The following MBOAT2 variants were observed in gnomAD, a reference collection of about 807,000 sequenced individuals.
The protein encoded by MBOAT2 is membrane-bound glycerophospholipid O-acyltransferase 2.
A neutral mutation model predicts 63.4 loss-of-function variants in MBOAT2; 28 were observed. The ratio of observed to expected loss-of-function variants is 0.44; its 90% CI spans 0.33 to 0.61. The LOEUF is 0.61. MBOAT2 is among the 20% of genes least tolerant of loss of function. MBOAT2 has a pLI of 0.03. For missense variants in MBOAT2, 470 were observed against 605.8 expected (o/e 0.78, Z 2.35); for synonymous variants, 211 against 215.6 (o/e 0.98, Z 0.19).
chr2:8,963,680 G>A (rs923932000), intron 1 of MBOAT2, among the ~76,000 whole-genome samples: 3 of 152,190 alleles, frequency 2.0e-5, no homozygotes, highest in African/African-American at 7.2e-5. Flanking sequence ...TGATATGGAA[G>A]ATTACCAAGA....
At chr2:8,880,686 G>A (rs978331693) in intron 6 of MBOAT2, among the ~76,000 whole-genome samples, 6 of 152,232 alleles carry the variant, frequency 3.9e-5, no homozygotes, top group Non-Finnish European at 7.3e-5. Flanking sequence ...AGAGGATGCA[G>A]CAGAAGAGAC....
chr2:8,912,333 A>AAG (rs1325218438), intron 3 of MBOAT2, among the ~76,000 whole-genome samples: 3 of 110,468 alleles, frequency 2.7e-5, no homozygotes, highest in East Asian at 2.4e-4. Flanking sequence ...GAAAGAAAGA[A>AAG]AGAAAGAAAG....
At chr2:8,906,207 C>A (rs962007703) in intron 4 of MBOAT2, among the ~76,000 whole-genome samples, 1 of 152,234 alleles carries the variant, frequency 6.6e-6, no homozygotes, top group Non-Finnish European at 1.5e-5. Flanking sequence ...CCTTGGCCTC[C>A]CAAAGTGCTG....
intron 3 of MBOAT2, among the ~76,000 whole-genome samples, chr2:8,915,790 G>A (rs1051106629): frequency 3.3e-5 from 5 of 152,122 alleles, no homozygotes; most frequent in African/African-American, 1.2e-4. Flanking sequence ...AATCCAGACC[G>A]ACCTGGACTG....
At chr2:8,967,919 G>A in intron 1 of MBOAT2, among the ~76,000 whole-genome samples, 1 of 152,044 alleles carries the variant, frequency 6.6e-6, no homozygotes, top group South Asian at 2.1e-4. Flanking sequence ...AAAAGCAATA[G>A]TAGGCAGTTC....
At chr2:9,002,505 A>C (rs1672768452) in intron 1 of MBOAT2, among the ~76,000 whole-genome samples, 2 of 152,224 alleles carry the variant, frequency 1.3e-5, no homozygotes, top group South Asian at 2.1e-4. Flanking sequence ...TCCCGTGTGA[A>C]GTCCAAACAC....
chr2:8,925,959 AG>A (rs1305321066), intron 3 of MBOAT2, among the ~76,000 whole-genome samples: 1 of 152,220 alleles, frequency 6.6e-6, no homozygotes, highest in Non-Finnish European at 1.5e-5. Flanking sequence ...AATCTTACGA[AG>A]TAAGTGTTAT....
At chr2:8,969,856 C>A (rs1286636918) in intron 1 of MBOAT2, among the ~76,000 whole-genome samples, 2 of 152,078 alleles carry the variant, frequency 1.3e-5, no homozygotes, top group African/African-American at 4.8e-5. Flanking sequence ...ACAGGAGCAC[C>A]CAGATTCATA....
chr2:8,910,650 G>C (rs1188790294), intron 3 of MBOAT2, among the ~76,000 whole-genome samples: 1 of 152,090 alleles, frequency 6.6e-6, no homozygotes, highest in African/African-American at 2.4e-5. Flanking sequence ...AAGTTTTTAA[G>C]AACCCCAAGG....
Position 8,911,470 on chromosome 2 carries a change from T to C in MBOAT2, c.300-2754A>G, listed in dbSNP as rs529012437. 5.7e-4 allele frequency among the ~76,000 whole-genome samples: 87 copies of C among 152,316 alleles called. 1 individual carries two copies. Among genetic ancestry groups the C allele is most frequent in the Admixed American group, 1.6e-3 (24 of 15,302 alleles). On this transcript the variant is annotated intron_variant, in intron 3 of 12. Coordinates refer to ENST00000305997, the MANE Select transcript of MBOAT2 (RefSeq NM_138799.4). ...TACATCAAGAGCTGAAAGAAAATTC[T>C]TGCTATGGTTGGGATGTTCGTCTCC... is the stretch of plus-strand genomic sequence containing the variant.
intron 2 of MBOAT2, among the ~76,000 whole-genome samples, chr2:8,957,441 G>C (rs188147415): frequency 2.6e-5 from 4 of 152,210 alleles, no homozygotes; most frequent in African/African-American, 9.7e-5. Flanking sequence ...TAATATGGTA[G>C]AGACTGAATA....
chr2:8,991,654 T>C (rs1399019417), intron 1 of MBOAT2, among the ~76,000 whole-genome samples: 5 of 152,238 alleles, frequency 3.3e-5, no homozygotes, highest in Non-Finnish European at 5.9e-5. Flanking sequence ...CAGATTGGAC[T>C]GAACACCACA....
chr2:8,975,105 AAG>A (rs1327166443), intron 1 of MBOAT2, among the ~76,000 whole-genome samples: 4 of 152,128 alleles, frequency 2.6e-5, no homozygotes, highest in Non-Finnish European at 5.9e-5. Flanking sequence ...ATTACCTAGA[AAG>A]AATAACACTC....
Position 8,856,519 on chromosome 2 carries a change from A to G in MBOAT2, c.*2160T>C, listed in dbSNP as rs1392653855. 6.6e-6 allele frequency: 1 copy of G among 151,366 alleles called. No homozygotes were observed. Among genetic ancestry groups the G allele is most frequent in the African/African-American group, 2.4e-5 (1 of 41,180 alleles). The allele number at this position is 151,366 out of a possible 1,614,324, so 9.4% of individuals were successfully genotyped here. ...GGTACATTCCATGAACATTCTTTCTATTCTCTCACATTAAACAGCTGGCAT... is the reference window on the plus strand; with the variant it reads ...GGTACATTCCATGAACATTCTTTCTGTTCTCTCACATTAAACAGCTGGCAT... On this transcript the variant is annotated 3_prime_UTR_variant, in exon 13 of 13. Transcript: ENST00000305997. The surrounding 1 kb of genome is among the most constrained non-coding windows in gnomAD (Gnocchi z 4.2).
intron 2 of MBOAT2, among the ~76,000 whole-genome samples, chr2:8,944,965 C>G (rs1039081878): frequency 2.0e-5 from 3 of 152,126 alleles, no homozygotes; most frequent in African/African-American, 7.2e-5. Context: ...ACGGAAAACA[C>G]ATTTTTGAGG....
chr2:8,922,325 C>G (rs774291285), intron 3 of MBOAT2, among the ~76,000 whole-genome samples: 1 of 152,104 alleles, frequency 6.6e-6, no homozygotes, highest in Non-Finnish European at 1.5e-5. Flanking sequence ...CTGGTAAACC[C>G]AACATGTGGG....
chr2:8,968,091 T>C (rs1030323645), intron 1 of MBOAT2, among the ~76,000 whole-genome samples: 2 of 151,188 alleles, frequency 1.3e-5, no homozygotes, highest in Non-Finnish European at 3.0e-5. Flanking sequence ...CTCAAGTGGG[T>C]CCCTGACCCC....
chr2:8,998,458 T>C (rs1326873277), intron 1 of MBOAT2, among the ~76,000 whole-genome samples: 2 of 152,210 alleles, frequency 1.3e-5, no homozygotes, highest in East Asian at 3.8e-4. Context: ...GAAGGCTCAA[T>C]ACTGAGAACT....
chr2:8,990,865 A>C (rs1246410282), intron 1 of MBOAT2, among the ~76,000 whole-genome samples: 1 of 152,188 alleles, frequency 6.6e-6, no homozygotes, highest in Non-Finnish European at 1.5e-5. Flanking sequence ...GTCTCATCGT[A>C]CAAGAAATAC....
Sources: gnomAD v4.1 joint callset for allele counts (sites outside exome capture counted in the v4.1 genomes callset) on GRCh38, gnomAD v4.1.1 for gene constraint, Gnocchi (gnomAD v3.1) non-coding constraint, MANE v1.5 for transcripts, NCBI Gene and HGNC (gene_info 2026-07-23, HGNC 2026-07-21) for gene names.